Variants in LAMA3 observed in about 807,000 individuals in gnomAD.
LAMA3 encodes laminin subunit alpha 3, also known as laminin subunit alpha-3.
Under a neutral mutation model 402.0 loss-of-function variants are expected in LAMA3, and 281 were observed. The ratio of observed to expected loss-of-function variants is 0.70; its 90% CI spans 0.63 to 0.77. The LOEUF is 0.77. Ranked by LOEUF, LAMA3 falls within the 30% of genes least tolerant of loss-of-function variation. LAMA3 has a pLI of 0.00. For synonymous variants in LAMA3, 1,431 were observed against 1,558.4 expected, an observed-to-expected ratio of 0.92 and a Z score of 1.93; for missense variants, 3,840 against 4,215.5, an observed-to-expected ratio of 0.91 and a Z score of 2.47.
At chr18:23,840,012 C>A in intron 27 of LAMA3, 83 bp downstream of exon 27, 1 of 1,452,890 alleles carries the variant, frequency 6.9e-7, no homozygotes, top group Non-Finnish European at 9.6e-7. Context: ...AACTTGTCAG[C>A]AATGCAGATT....
chr18:23,730,127 G>A (rs1165706691), intron 2 of LAMA3, among the ~76,000 whole-genome samples: 1 of 152,036 alleles, frequency 6.6e-6, no homozygotes, highest in Non-Finnish European at 1.5e-5. Context: ...CCCTCTTTTT[G>A]CTGGCTACTA....
At chr18:23,768,091 G>C (rs879538054) in intron 8 of LAMA3, among the ~76,000 whole-genome samples, 4 of 151,514 alleles carry the variant, frequency 2.6e-5, no homozygotes, top group Non-Finnish European at 5.9e-5. Flanking sequence ...TTATGGCTAA[G>C]TTCTCAAAAG....
At position 23,933,832 on chromosome 18, in the gene LAMA3, G is replaced by A; in HGVS notation, c.8759G>A (p.Arg2920Lys). 6.2e-7 allele frequency: 1 copy of A among 1,614,120 alleles called. No homozygotes were observed. Among genetic ancestry groups the A allele is most frequent in the Non-Finnish European group, 8.5e-7 (1 of 1,179,946 alleles). ...GATTTGACCAGTAACTCTCTCAAGA[G>A]AGATGTGTCCCTGGGAGGCTGCAGT... is the stretch of plus-strand genomic sequence containing the variant. Reference protein sequence around the residue: ...VLDLTSNSLKRDVSLGGCSLN... With the variant: ...VLDLTSNSLKKDVSLGGCSLN... The change falls in exon 67 of 75, where the codon AGA becomes AAA. Residue 2920 changes from arginine to lysine, a missense_variant. Coordinates refer to ENST00000313654, the MANE Select transcript of LAMA3 (RefSeq NM_198129.4).
At chr18:23,766,468 C>T (rs973818381) in intron 8 of LAMA3, among the ~76,000 whole-genome samples, 6 of 152,086 alleles carry the variant, frequency 3.9e-5, no homozygotes, top group Admixed American at 1.3e-4. Context: ...AGAGGTAATA[C>T]GAGATGGAAA....
intron 12 of LAMA3, among the ~76,000 whole-genome samples, chr18:23,785,593 C>A (rs1047494752): frequency 3.3e-5 from 5 of 152,182 alleles, no homozygotes; most frequent in African/African-American, 1.2e-4. Flanking sequence ...TTGCACCTTT[C>A]TTCTCCTGAC....
intron 2 of LAMA3, among the ~76,000 whole-genome samples, chr18:23,745,862 A>G (rs971042930): frequency 2.0e-5 from 3 of 152,214 alleles, no homozygotes; most frequent in Non-Finnish European, 4.4e-5. Flanking sequence ...TGATTACTGT[A>G]TTCAAAAAAG....
intron 67 of LAMA3, among the ~76,000 whole-genome samples, chr18:23,936,060 C>T (rs1352451080): frequency 6.6e-6 from 1 of 152,056 alleles, no homozygotes; most frequent in Non-Finnish European, 1.5e-5. Flanking sequence ...TCTCAACACA[C>T]CCCTCTGAGA....
At position 23,933,947 on chromosome 18, in the gene LAMA3, A is replaced by C; in HGVS notation, c.8862+12A>C. 6.2e-7 allele frequency: 1 copy of C among 1,613,704 alleles called. No individual in the cohort carries two copies. Among genetic ancestry groups the C allele is most frequent in the Non-Finnish European group, 8.5e-7 (1 of 1,179,744 alleles). On this transcript the variant is annotated intron_variant, in intron 67 of 74. Coordinates refer to ENST00000313654, the MANE Select transcript of LAMA3 (RefSeq NM_198129.4). ...TTCGTATCAACCAGGTAAGTGTCCA[A>C]ACCTAACCCTGGGTTTCCCTCTTCC...
chr18:23,689,605 C>A lies in LAMA3; in HGVS notation c.-79C>A, dbSNP rs1568076324. The stretch of plus-strand genomic sequence containing the variant: ...TGCGCTAGTCCTGGCGCTGCAGGTC[C>A]GGGAGGCGCAGGCGGAGAGCGGCGG... On this transcript the variant is annotated 5_prime_UTR_variant, in exon 1 of 75. Coordinates refer to ENST00000313654, the MANE Select transcript of LAMA3 (RefSeq NM_198129.4). 7 of 1,201,168 alleles carry A rather than the reference C, an allele frequency of 5.8e-6. No individual in the cohort carries two copies. Among genetic ancestry groups the A allele is most frequent in the Non-Finnish European group, 6.2e-6 (6 of 961,382 alleles). 74.4% of individuals were successfully genotyped at this position (1,201,168 alleles called of 1,614,324 possible). A position where few individuals can be genotyped will look rare whatever the true frequency, so the allele number is the denominator to read the frequency against.
chr18:23,753,725 A>C lies in LAMA3; in HGVS notation c.860A>C (p.Tyr287Ser). ...QRDPTVTRRY[Y>S]YSIKDISIGG... The stretch of plus-strand genomic sequence containing the variant: ...GTTCTGTGTTCTGTTGTGCAGTATT[A>C]TTACAGCATAAAGGACATCAGCATT... Residue 287 changes from tyrosine to serine, a missense_variant, in exon 6 of 75, where the codon TAT becomes TCT. Around this residue, in one of 3 missense-constraint regions of LAMA3, gnomAD observed 2,109 missense variants for 2,376.0 expected, o/e 0.89. Coordinates refer to ENST00000313654, the MANE Select transcript of LAMA3 (RefSeq NM_198129.4). 1 of 1,612,660 alleles carries C rather than the reference A, an allele frequency of 6.2e-7. No homozygotes were observed. The highest frequency in any genetic ancestry group is 8.5e-7 in the Non-Finnish European group (1 of 1,178,604).
intron 12 of LAMA3, among the ~76,000 whole-genome samples, chr18:23,801,552 T>C (rs1361846207): frequency 6.6e-6 from 1 of 152,214 alleles, no homozygotes; most frequent in African/African-American, 2.4e-5. Flanking sequence ...TTTCTTTGGA[T>C]AGATACTCAG....
At chr18:23,737,690 T>C (rs1191160500) in intron 2 of LAMA3, among the ~76,000 whole-genome samples, 1 of 152,164 alleles carries the variant, frequency 6.6e-6, no homozygotes, top group Non-Finnish European at 1.5e-5. Context: ...TCCAGGCAGG[T>C]TACCGGCCCT....
In LAMA3 at chr18:23,899,484, A is replaced by C. The variant is rs762195024; in HGVS notation, c.6004+29A>C. ...AGAATGCTCCCAAATTCTTGCATCC[A>C]GTCCATTCTAATTGATTTGAAACAC... On this transcript the variant is annotated intron_variant, in intron 47 of 74. Transcript: ENST00000313654. 2.4e-5 allele frequency: 38 copies of C among 1,609,460 alleles called. No individual in the cohort carries two copies. The Admixed American group carries it at 5.7e-4, about 24-fold the overall frequency.
At chr18:23,911,922 A>G (rs1475994299) in intron 55 of LAMA3, among the ~76,000 whole-genome samples, 2 of 145,846 alleles carry the variant, frequency 1.4e-5, no homozygotes, top group South Asian at 2.1e-4. Flanking sequence ...GCATTTTAAT[A>G]TAATATATAA....
At chr18:23,762,862 T>TATA (rs1415031884) in intron 7 of LAMA3, among the ~76,000 whole-genome samples, 61 of 122,408 alleles carry the variant, frequency 5.0e-4, no homozygotes, top group African/African-American at 1.9e-3. Flanking sequence ...ATATATATAT[T>TATA]TTTTTTTTTT....
At position 23,743,841 on chromosome 18, in the gene LAMA3, G is replaced by C. The variant is rs141381553; in HGVS notation, c.448-4102G>C. Among the ~76,000 whole-genome samples, 556 of 152,158 alleles carry C rather than the reference G, an allele frequency of 3.7e-3. 4 individuals are homozygous for C. Among genetic ancestry groups the C allele is most frequent in the African/African-American group, 0.013 (535 of 41,506 alleles). ...CCCCTTATCTCTGACCCCCAAATAC[G>C]ATCTCTTTGAAAATGCACAACTTTG... On this transcript the variant is annotated intron_variant, in intron 2 of 74. Transcript: ENST00000313654.
At chr18:23,849,422 AG>A (rs2063895572) in intron 32 of LAMA3, among the ~76,000 whole-genome samples, 1 of 152,224 alleles carries the variant, frequency 6.6e-6, no homozygotes, top group South Asian at 2.1e-4. Flanking sequence ...AAAGGAACCA[AG>A]GGGGAGATGG....
chr18:23,827,886 A>G (rs1289300363), intron 23 of LAMA3, among the ~76,000 whole-genome samples: 1 of 152,168 alleles, frequency 6.6e-6, no homozygotes, highest in Non-Finnish European at 1.5e-5. Flanking sequence ...AGGCTAAGCA[A>G]TTTGTAGCAG....
At chr18:23,813,210 C>A in intron 14 of LAMA3, 107 bp downstream of exon 14, 1 of 780,800 alleles carries the variant, frequency 1.3e-6, no homozygotes, top group Non-Finnish European at 2.2e-6. Flanking sequence ...AGACCCAAGG[C>A]TAAATTGCTT....
Sources: allele counts gnomAD v4.1 joint callset (sites outside exome capture counted in the v4.1 genomes callset), GRCh38; gene constraint gnomAD v4.1.1; regional missense constraint gnomAD v4.1.1; transcripts MANE v1.5; gene names NCBI Gene and HGNC (gene_info 2026-07-23, HGNC 2026-07-21).